The following PIK3AP1 variants were observed in gnomAD, a reference collection of about 807,000 sequenced individuals.
The protein encoded by PIK3AP1 is phosphoinositide 3-kinase adapter protein 1.
A neutral mutation model predicts 88.1 loss-of-function variants in PIK3AP1; 21 were observed. The observed-to-expected ratio is 0.24, with a 90% CI of 0.17 to 0.34. PIK3AP1 has a LOEUF of 0.34. Ranked by LOEUF, PIK3AP1 falls within the 10% of genes least tolerant of loss-of-function variation. PIK3AP1 has a pLI of 1.00. For missense variants in PIK3AP1, 828 were observed against 1,035.7 expected (o/e 0.80, Z 2.75); for synonymous variants, 398 against 400.0 (o/e 1.00, Z 0.06).
chr10:96,662,362 G>A (rs1843699375), intron 2 of PIK3AP1, among the ~76,000 whole-genome samples: 1 of 151,588 alleles, frequency 6.6e-6, no homozygotes, highest in Non-Finnish European at 1.5e-5. Flanking sequence ...GCACTTTTGG[G>A]AGGCCAAGGC....
At chr10:96,608,274 G>A (rs1849037185) in intron 14 of PIK3AP1, among the ~76,000 whole-genome samples, 1 of 152,224 alleles carries the variant, frequency 6.6e-6, no homozygotes, top group South Asian at 2.1e-4. Flanking sequence ...CCACAGGTCT[G>A]AGAGACAGAG....
chr10:96,650,776 A>G (rs1843526422), intron 6 of PIK3AP1, among the ~76,000 whole-genome samples: 1 of 152,262 alleles, frequency 6.6e-6, no homozygotes, highest in Non-Finnish European at 1.5e-5. Context: ...CTAAGTGGCA[A>G]GAGACAGGTG....
rs970109958 is a variant in PIK3AP1 at position 96,594,531 on chromosome 10, A to G, written c.*1046T>C. On this transcript the variant is annotated 3_prime_UTR_variant, in exon 17 of 17. Coordinates refer to ENST00000339364, the MANE Select transcript of PIK3AP1 (RefSeq NM_152309.3). This position sits in a 1 kb window ranked among gnomAD's most constrained non-coding sequence, Gnocchi z 4.6. ...GGTTGAATCCACGGACACAGAACCC[A>G]TGGATTTGAAAGGCTGACTGTATTT... The G allele has an allele frequency of 6.6e-5, 10 of 152,174 alleles. No homozygotes were observed. The highest frequency in any genetic ancestry group is 1.5e-4 in the Non-Finnish European group (10 of 68,030). 9.4% of individuals were successfully genotyped at this position (152,174 alleles called of 1,614,324 possible).
At chr10:96,652,310 C>T (rs1199257758) in intron 4 of PIK3AP1, among the ~76,000 whole-genome samples, 24 of 152,182 alleles carry the variant, frequency 1.6e-4, no homozygotes, top group Admixed American at 1.6e-3. Flanking sequence ...TGCCGTGGCT[C>T]ACGCCTGTAA....
intron 2 of PIK3AP1, among the ~76,000 whole-genome samples, chr10:96,668,625 C>A (rs937277229): frequency 1.3e-5 from 2 of 152,102 alleles, no homozygotes; most frequent in African/African-American, 4.8e-5. Flanking sequence ...TGGGGCCAGT[C>A]AGGGGAACCT....
Position 96,709,835 on chromosome 10 carries a change from C to A in PIK3AP1, c.162G>T (p.Ser54=). The A allele has an allele frequency of 6.2e-7, 1 of 1,613,962 alleles. No homozygotes were observed. The highest frequency in any genetic ancestry group is 1.3e-5 in the African/African-American group (1 of 75,058). ...TGAGGAAAAGGCTTAGGTCCTCTGC[C>A]GAGAAGGAGGCCTCGGGGCCCAGCC... The part of the protein sequence containing the change: ...THRLGPEASF[S]AEDLSLFLST... Residue 54 remains serine (S), a synonymous_variant, in exon 2 of 17, where the codon TCG becomes TCT. Transcript: ENST00000339364.
chr10:96,670,918 A>T (rs916188082), intron 2 of PIK3AP1, among the ~76,000 whole-genome samples: 2 of 152,216 alleles, frequency 1.3e-5, no homozygotes, highest in Non-Finnish European at 2.9e-5. Context: ...ACGAGTGGCT[A>T]ACAAAGTGTT....
intron 8 of PIK3AP1, chr10:96,633,384 A>T (rs1843272643): frequency 4.8e-6 from 1 of 208,718 alleles, no homozygotes; most frequent in Non-Finnish European, 9.6e-6. Flanking sequence ...CTCTTTGCCC[A>T]TAATTATCTT....
At chr10:96,717,872 A>G (rs772451130) in intron 1 of PIK3AP1, among the ~76,000 whole-genome samples, 28 of 152,220 alleles carry the variant, frequency 1.8e-4, no homozygotes, top group Non-Finnish European at 3.2e-4. Flanking sequence ...TTTCAAAGAC[A>G]GGGAGCCTAA....
rs185265086 is a variant in PIK3AP1 at position 96,665,617 on chromosome 10, T to C, written c.431-8683A>G. Among the ~76,000 whole-genome samples the C allele has an allele frequency of 5.8e-3, 891 of 152,348 alleles. 3 individuals carry two copies. Among genetic ancestry groups the C allele is most frequent in the Middle Eastern group, 0.014 (4 of 294 alleles). On this transcript the variant is annotated intron_variant, in intron 2 of 16. Transcript: ENST00000339364. Reference sequence around the variant, plus strand: ...TCTGGGCTCTTCATTTAGATCATAATGCCTTTTAAATGGGATGCAAGAACT... The same window carrying C: ...TCTGGGCTCTTCATTTAGATCATAACGCCTTTTAAATGGGATGCAAGAACT...
At chr10:96,669,036 A>G (rs1222425091) in intron 2 of PIK3AP1, among the ~76,000 whole-genome samples, 2 of 152,270 alleles carry the variant, frequency 1.3e-5, no homozygotes, top group Admixed American at 6.5e-5. Flanking sequence ...GGAGGCTGAG[A>G]CAGGAGAATT....
intron 1 of PIK3AP1, among the ~76,000 whole-genome samples, chr10:96,717,035 G>A (rs944321672): frequency 6.6e-6 from 1 of 152,094 alleles, no homozygotes; most frequent in Non-Finnish European, 1.5e-5. Context: ...GCTAAGGAGG[G>A]CAGATCACTT....
At chr10:96,605,146 C>T (rs1848981182) in intron 14 of PIK3AP1, among the ~76,000 whole-genome samples, 2 of 152,204 alleles carry the variant, frequency 1.3e-5, no homozygotes. Flanking sequence ...GTGTGAGCTA[C>T]CATGCCGGGC....
Position 96,648,845 on chromosome 10 carries a change from A to C in PIK3AP1, c.999T>G (p.Asp333Glu), listed in dbSNP as rs766619051. The C allele has an allele frequency of 2.6e-6, 4 of 1,560,388 alleles. No individual in the cohort carries two copies. Among genetic ancestry groups the C allele is most frequent in the South Asian group, 1.2e-5 (1 of 83,820 alleles). Reference protein sequence around the residue: ...EEEDMMTNQRDEELPTLLHFA... With the variant: ...EEEDMMTNQREEELPTLLHFA... ...AATGCAACAGGGTGGGCAGCTCTTC[A>C]TCCCTCTGATCTGAAAATTATCAAG... The change falls in exon 7 of 17, where the codon GAT (aspartate) becomes GAG (glutamate). Residue 333 changes from aspartate (D) to glutamate (E), a missense_variant. Around this residue, in one of 3 missense-constraint regions of PIK3AP1, gnomAD observed 610 missense variants for 760.1 expected, o/e 0.80. Coordinates refer to ENST00000339364, the MANE Select transcript of PIK3AP1 (RefSeq NM_152309.3).
chr10:96,668,967 T>G (rs999570799), intron 2 of PIK3AP1, among the ~76,000 whole-genome samples: 4 of 151,964 alleles, frequency 2.6e-5, no homozygotes, highest in Non-Finnish European at 5.9e-5. Context: ...CCATCTCTAC[T>G]AAAAATATAC....
chr10:96,624,047 A>T (rs915771813), intron 10 of PIK3AP1, among the ~76,000 whole-genome samples: 8 of 151,978 alleles, frequency 5.3e-5, no homozygotes, highest in Non-Finnish European at 8.8e-5. Flanking sequence ...GTAAGATGAC[A>T]TGGTGATTAT....
At chr10:96,682,237 A>G (rs1239862150) in intron 2 of PIK3AP1, among the ~76,000 whole-genome samples, 1 of 152,134 alleles carries the variant, frequency 6.6e-6, no homozygotes, top group East Asian at 1.9e-4. Flanking sequence ...AATTCTAACG[A>G]TTGAAGCTTT....
intron 2 of PIK3AP1, among the ~76,000 whole-genome samples, chr10:96,700,435 C>A (rs1367289630): frequency 6.6e-6 from 1 of 152,170 alleles, no homozygotes; most frequent in Non-Finnish European, 1.5e-5. Flanking sequence ...CCCCTGATTC[C>A]GCAAGGCAGT....
intron 14 of PIK3AP1, among the ~76,000 whole-genome samples, 200 bp from the exon 15 acceptor site, chr10:96,604,249 C>T (rs1456027861): frequency 6.6e-6 from 1 of 151,728 alleles, no homozygotes; most frequent in Non-Finnish European, 1.5e-5. Flanking sequence ...ATGATCACAG[C>T]TCATGGTAGC....
Sources: allele counts gnomAD v4.1 joint callset (sites outside exome capture counted in the v4.1 genomes callset), GRCh38; gene constraint gnomAD v4.1.1; regional missense constraint gnomAD v4.1.1; non-coding constraint Gnocchi (gnomAD v3.1); transcripts MANE v1.5; gene names NCBI Gene and HGNC (gene_info 2026-07-23, HGNC 2026-07-21).